The following PABPC4 variants were observed in gnomAD, a reference collection of about 807,000 sequenced individuals.
PABPC4 encodes poly(A) binding protein cytoplasmic 4.
Under a neutral mutation model 74.5 loss-of-function variants are expected in PABPC4, and 15 were observed. That is an observed-to-expected ratio of 0.20 (90% CI 0.13 to 0.31). The LOEUF is 0.31. Among genes scored for constraint, PABPC4 ranks in the 10% least tolerant of loss-of-function variants. The probability of loss-of-function intolerance (pLI) is 1.00; values close to 1 mark genes in which losing one functional copy is unlikely to be tolerated. For missense variants in PABPC4, 610 were observed against 853.5 expected, an observed-to-expected ratio of 0.71 and a Z score of 3.55; for synonymous variants, 345 against 303.0, an observed-to-expected ratio of 1.14 and a Z score of -1.44.
rs111447240 is a variant in PABPC4, at chr1:39,576,085, G to A, written c.-134C>T. 0.071 allele frequency: 42,225 copies of A among 590,988 alleles called. 1,986 individuals carry two copies. Among genetic ancestry groups the A allele is most frequent in the Non-Finnish European group, 0.092 (32,515 of 355,094 alleles). The allele number at this position is 590,988 out of a possible 1,614,324, so 36.6% of individuals were successfully genotyped here. On this transcript the variant is annotated 5_prime_UTR_variant, in exon 1 of 16. Transcript: ENST00000372858. The stretch of plus-strand genomic sequence containing the variant: ...GGCACCGGCGCGGCGAGGACGAGCT[G>A]GAGTCGGCGGGCTTGGAGACGGGAC...
Position 39,576,074 on chromosome 1 carries a change from G to A in PABPC4, c.-123C>T, listed in dbSNP as rs1393870769. ...GGCTCACAGGTGGCACCGGCGCGGC[G>A]AGGACGAGCTGGAGTCGGCGGGCTT... On this transcript the variant is annotated 5_prime_UTR_variant, in exon 1 of 16. Coordinates refer to ENST00000372858, the MANE Select transcript of PABPC4 (RefSeq NM_001135653.2). 2 of 658,686 alleles carry A rather than the reference G, an allele frequency of 3.0e-6. No individual in the cohort carries two copies. The highest frequency in any genetic ancestry group is 3.5e-5 in the Admixed American group (1 of 28,240). The allele number at this position is 658,686 out of a possible 1,614,324, so 40.8% of individuals were successfully genotyped here.
chr1:39,575,341 C>A (rs1387345039), intron 1 of PABPC4, among the ~76,000 whole-genome samples: 1 of 152,212 alleles, frequency 6.6e-6, no homozygotes, highest in Admixed American at 6.5e-5. Context: ...CGGGCAGGAG[C>A]TTTACAATGT....
chr1:39,563,693 G>GCAGCAA lies in PABPC4; in HGVS notation c.1583_1588dup (p.Val528_Ala529dup), dbSNP rs1258789935. Reference sequence around the variant, plus strand: ...GGGGGCAACAGCCCGGGGAGCAGCAGCAGCAACAGCAGCGCGTGGCGCTAA... The same window carrying GCAGCAA: ...GGGGGCAACAGCCCGGGGAGCAGCAGCAGCAACAGCAACAGCAGCGCGTGGCGCTAA... On this transcript the variant is annotated inframe_insertion, in exon 12 of 16. Coordinates refer to ENST00000372858, the MANE Select transcript of PABPC4 (RefSeq NM_001135653.2). The GCAGCAA allele has an allele frequency of 1.9e-6, 3 of 1,614,170 alleles. No individual in the cohort carries two copies. Among genetic ancestry groups the GCAGCAA allele is most frequent in the Non-Finnish European group, 2.5e-6 (3 of 1,180,054 alleles).
chr1:39,570,302 T>C (rs937063819), intron 3 of PABPC4, among the ~76,000 whole-genome samples: 10 of 152,260 alleles, frequency 6.6e-5, no homozygotes, highest in African/African-American at 9.6e-5. Context: ...TGTGCAACTA[T>C]GTAAATGCAT....
At chr1:39,564,321 C>G (rs1373217189) in intron 10 of PABPC4, 102 bp downstream of exon 10, 1 of 1,371,960 alleles carries the variant, frequency 7.3e-7, no homozygotes, top group Non-Finnish European at 1.0e-6. Context: ...AGAACCAGGA[C>G]TCGATAAATT....
rs1017083840 is a variant in PABPC4 at position 39,576,271 on chromosome 1, C to T, written c.-320G>A. The T allele has an allele frequency of 1.1e-5, 3 of 265,430 alleles. No individual in the cohort carries two copies. The highest frequency in any genetic ancestry group is 6.6e-5 in the African/African-American group (3 of 45,282). The allele number at this position is 265,430 out of a possible 1,614,324, so 16.4% of individuals were successfully genotyped here. A position where few individuals can be genotyped will look rare whatever the true frequency, so the allele number is the denominator to read the frequency against. On this transcript the variant is annotated 5_prime_UTR_variant, in exon 1 of 16. Coordinates refer to ENST00000372858, the MANE Select transcript of PABPC4 (RefSeq NM_001135653.2). The stretch of plus-strand genomic sequence containing the variant: ...GTAGGAAAAAAATTAAACGGGGAAT[C>T]CCCTTCCGAAGGGTAAAAATCCTTT...
chr1:39,567,549 G>C, intron 7 of PABPC4: 1 of 674,348 alleles, frequency 1.5e-6, no homozygotes, highest in Non-Finnish European at 2.8e-6. Context: ...TTCCTCTCCA[G>C]ACTCCAGTGC....
rs747844371 is a variant in PABPC4 at position 39,567,522 on chromosome 1, G to A, written c.972+229C>T. The A allele has an allele frequency of 4.7e-6, 3 of 641,822 alleles. No individual in the cohort carries two copies. In the Admixed American group the frequency reaches 5.5e-5, roughly 12 times the overall value. The allele number at this position is 641,822 out of a possible 1,614,324, so 39.8% of individuals were successfully genotyped here. A position where few individuals can be genotyped will look rare whatever the true frequency, so the allele number is the denominator to read the frequency against. ...AGATTCAGGTGCTCTGAGTTGGCAA[G>A]GAGGGGCTGGGTCAAATTCCTCTCC... is the stretch of plus-strand genomic sequence containing the variant. On this transcript the variant is annotated intron_variant, in intron 7 of 15. Transcript: ENST00000372858.
Position 39,576,512 on chromosome 1 carries a change from G to T in PABPC4, c.-561C>A. On this transcript the variant is annotated 5_prime_UTR_variant, in exon 1 of 16. Transcript: ENST00000372858. ...GCGCGGGGCGCGGGGCTCGGGGCCC[G>T]AGCGGGGGGAGGGCACGGCGGGCCG... The T allele has an allele frequency of 1.3e-5, 2 of 150,108 alleles. No homozygotes were observed. The highest frequency in any genetic ancestry group is 3.7e-4 in the South Asian group (2 of 5,474). The allele number at this position is 150,108 out of a possible 1,614,324, so 9.3% of individuals were successfully genotyped here.
intron 12 of PABPC4, 38 bp downstream of exon 12, chr1:39,563,576 G>T (rs1216830535): frequency 6.3e-7 from 1 of 1,595,138 alleles, no homozygotes; most frequent in East Asian, 2.2e-5. Context: ...GTGGAAATGG[G>T]GGAAATCCTT....
rs1380989608 is a variant in PABPC4, at chr1:39,565,131, C to G, written c.1220G>C (p.Gly407Ala). The change falls in exon 8 of 16, where the codon GGC becomes GCC. Residue 407 changes from glycine to alanine, a missense_variant. Gly to Ala is a moderately conservative substitution (Grantham distance 60). Transcript: ENST00000372858. Reference sequence around the variant, plus strand: ...CTGTGGGACTGCTGGCACAAAGTAGCCACCCGCTGCAGGCTGGAACTGATT... The same window carrying G: ...CTGTGGGACTGCTGGCACAAAGTAGGCACCCGCTGCAGGCTGGAACTGATT... ...ILNQFQPAAG[G>A]YFVPAVPQAQ... 6.2e-7 allele frequency: 1 copy of G among 1,614,042 alleles called. No individual in the cohort carries two copies. Among genetic ancestry groups the G allele is most frequent in the East Asian group, 2.2e-5 (1 of 44,888 alleles).
intron 12 of PABPC4, chr1:39,562,636 C>A (rs537496917): frequency 6.5e-6 from 3 of 459,352 alleles, no homozygotes; most frequent in Non-Finnish European, 7.7e-6. Context: ...ATGAAAATGG[C>A]ATGCTATCAG....
chr1:39,568,747 T>C, intron 6 of PABPC4, 55 bp downstream of exon 6: 1 of 1,557,168 alleles, frequency 6.4e-7, no homozygotes, highest in Admixed American at 1.8e-5. Context: ...ATAGGGGTGT[T>C]CTGCAAATAT....
At chr1:39,565,016 C>T (rs1645816011) in intron 8 of PABPC4, 90 bp downstream of exon 8, 1 of 1,389,852 alleles carries the variant, frequency 7.2e-7, no homozygotes, top group African/African-American at 1.4e-5. Flanking sequence ...CATTCTAGAA[C>T]TCTAATAACG....
intron 5 of PABPC4, among the ~76,000 whole-genome samples, chr1:39,569,241 T>C (rs557673537): frequency 6.6e-6 from 1 of 152,164 alleles, no homozygotes; most frequent in African/African-American, 2.4e-5. Flanking sequence ...TTGTGGGTAT[T>C]TAAGTGATAA....
chr1:39,563,637 G>C lies in PABPC4; in HGVS notation c.1645C>G (p.His549Asp). The C allele has an allele frequency of 6.2e-7, 1 of 1,614,140 alleles. No homozygotes were observed. The highest frequency in any genetic ancestry group is 1.1e-5 in the South Asian group (1 of 91,046). The change falls in exon 12 of 16, where the codon CAT becomes GAT. Residue 549 changes from histidine (H) to aspartate (D), a missense_variant. Around this residue, in one of 4 missense-constraint regions of PABPC4, gnomAD observed 277 missense variants for 301.8 expected, o/e 0.92. Transcript: ENST00000372858. ...YKYASSVRSP[H>D]PAIQPLQAPQ... ...ACCTGCAGAGGCTGTATGGCAGGAT[G>C]AGGGCTGCGGACACTGGAGGCGTAT...
Position 39,569,582 on chromosome 1 carries a change from G to A in PABPC4, c.738+13C>T. The A allele has an allele frequency of 2.5e-6, 4 of 1,602,834 alleles. No individual in the cohort carries two copies. Among genetic ancestry groups the A allele is most frequent in the Non-Finnish European group, 3.4e-6 (4 of 1,169,664 alleles). On this transcript the variant is annotated intron_variant, in intron 5 of 15. Transcript: ENST00000372858. Reference sequence around the variant, plus strand: ...CTCTTAAAAGCTTTTCCCAATCTTTGTGGTATACTCACCTTATTGGCATCC... The same window carrying A: ...CTCTTAAAAGCTTTTCCCAATCTTTATGGTATACTCACCTTATTGGCATCC...
chr1:39,576,076 G>C lies in PABPC4; in HGVS notation c.-125C>G, dbSNP rs1191148390. 8 of 639,906 alleles carry C rather than the reference G, an allele frequency of 1.3e-5. No homozygotes were observed. Among genetic ancestry groups the C allele is most frequent in the Admixed American group, 7.1e-5 (2 of 28,146 alleles). The allele number at this position is 639,906 out of a possible 1,614,324, so 39.6% of individuals were successfully genotyped here. On this transcript the variant is annotated 5_prime_UTR_variant, in exon 1 of 16. Transcript: ENST00000372858. The stretch of plus-strand genomic sequence containing the variant: ...CTCACAGGTGGCACCGGCGCGGCGA[G>C]GACGAGCTGGAGTCGGCGGGCTTGG...
In PABPC4 at chr1:39,569,561, T is replaced by TAA. The variant is rs775150679; in HGVS notation, c.738+32_738+33dup. 10 of 1,556,836 alleles carry TAA rather than the reference T, an allele frequency of 6.4e-6. No individual in the cohort carries two copies. In the Admixed American group the frequency reaches 1.7e-4, roughly 26 times the overall value. On this transcript the variant is annotated intron_variant, in intron 5 of 15. Coordinates refer to ENST00000372858, the MANE Select transcript of PABPC4 (RefSeq NM_001135653.2). ...CTACCCATACTCTGGGGCAACCTCT[T>TAA]AAAAGCTTTTCCCAATCTTTGTGGT...
Sources: allele counts gnomAD v4.1 joint callset (sites outside exome capture counted in the v4.1 genomes callset), GRCh38; gene constraint gnomAD v4.1.1; regional missense constraint gnomAD v4.1.1; transcripts MANE v1.5; gene names NCBI Gene and HGNC (gene_info 2026-07-23, HGNC 2026-07-21).